FDFT1: variants seen among roughly 807,000 people sequenced by gnomAD.
FDFT1 encodes squalene synthase.
FDFT1 carries 68 observed loss-of-function variants against 46.8 expected under a neutral mutation model. The ratio of observed to expected loss-of-function variants is 1.45; its 90% CI spans 1.19 to 1.78. The LOEUF is 1.78. Among genes scored for constraint, FDFT1 ranks in the 40% most tolerant of loss-of-function variants. FDFT1 has a pLI of 0.00. For synonymous variants in FDFT1, 351 were observed against 185.1 expected (o/e 1.90, Z -7.28); for missense variants, 928 against 524.4 (o/e 1.77, Z -7.52).
At chr8:11,802,261 C>A (rs1025466226), upstream of FDFT1, 2 of 383,186 alleles carry the variant, frequency 5.2e-6, no homozygotes, top group African/African-American at 4.2e-5. Flanking sequence ...GTTTTAGGCT[C>A]TACAGAGAGC....
chr8:11,798,623 C>T (rs1447304411), upstream of FDFT1, among the ~76,000 whole-genome samples: 1 of 152,210 alleles, frequency 6.6e-6, no homozygotes. Flanking sequence ...ACGCTATCCA[C>T]AGGAGAAGCA....
chr8:11,824,407 AAAAAG>A (rs900138699), intron 4 of FDFT1, among the ~76,000 whole-genome samples: 10 of 152,212 alleles, frequency 6.6e-5, no homozygotes, highest in African/African-American at 1.4e-4. Context: ...AAGAAAAACT[AAAAAG>A]AAAAGGGGAA....
At chr8:11,817,440 G>C (rs556180677) in intron 3 of FDFT1, among the ~76,000 whole-genome samples, 34 of 152,322 alleles carry the variant, frequency 2.2e-4, no homozygotes, top group African/African-American at 7.9e-4. Context: ...AGAAGGAATG[G>C]TACCAGCTCC....
Position 11,808,827 on chromosome 8 carries a change from A to T in FDFT1, c.133A>T (p.Lys45Ter). The T allele has an allele frequency of 6.2e-7, 1 of 1,613,858 alleles. No individual in the cohort carries two copies. Among genetic ancestry groups the T allele is most frequent in the Non-Finnish European group, 8.5e-7 (1 of 1,179,954 alleles). Reference sequence around the variant, plus strand: ...CAGCAGCAGCCTGAAAACTTGCTACAAGTATCTCAATCAGACCAGTCGCAG... The same window carrying T: ...CAGCAGCAGCCTGAAAACTTGCTACTAGTATCTCAATCAGACCAGTCGCAG... Reference protein sequence around the residue: ...SLSSSLKTCYKYLNQTSRSFA... With the variant: ...SLSSSLKTCY The change falls in exon 2 of 8, where the codon AAG becomes TAG. Residue 45 changes from lysine (K) to a stop codon, truncating the protein, a stop_gained. Coordinates refer to ENST00000220584, the MANE Select transcript of FDFT1 (RefSeq NM_004462.5). LOFTEE classifies it high-confidence loss of function.
At chr8:11,803,090 G>A (rs1316704938) in intron 1 of FDFT1, 159 bp downstream of exon 1, 5 of 1,438,698 alleles carry the variant, frequency 3.5e-6, no homozygotes, top group Admixed American at 2.7e-5. Flanking sequence ...TCCCCCTGTA[G>A]GGCCCGGGTG....
upstream of FDFT1, among the ~76,000 whole-genome samples, chr8:11,801,017 AAG>A (rs1328130743): frequency 1.3e-4 from 20 of 152,154 alleles, no homozygotes; most frequent in Non-Finnish European, 1.2e-4. Flanking sequence ...AAATATAGGC[AAG>A]TAGACCCCCA....
chr8:11,800,358 G>C (rs1485537172), upstream of FDFT1, among the ~76,000 whole-genome samples: 1 of 147,864 alleles, frequency 6.8e-6, no homozygotes, highest in Non-Finnish European at 1.5e-5. Flanking sequence ...ACACTCGCCA[G>C]CAGTTTTGCC....
At position 11,803,218 on chromosome 8, in the gene FDFT1, G is replaced by A. The variant is rs994587378; in HGVS notation, c.99+287G>A. The stretch of plus-strand genomic sequence containing the variant: ...TTTCGTCCCCTCCGTGAGCATCGGC[G>A]CTTACCGGTATTTTAACCCGAGGGT... On this transcript the variant is annotated intron_variant, in intron 1 of 7. Coordinates refer to ENST00000220584, the MANE Select transcript of FDFT1 (RefSeq NM_004462.5). 5.0e-6 allele frequency: 7 copies of A among 1,407,456 alleles called. No homozygotes were observed. In the Middle Eastern group the frequency reaches 7.5e-4, roughly 150 times the overall value. The allele number at this position is 1,407,456 out of a possible 1,614,324, so 87.2% of individuals were successfully genotyped here.
At chr8:11,818,160 G>A (rs996720890) in intron 3 of FDFT1, among the ~76,000 whole-genome samples, 1 of 152,340 alleles carries the variant, frequency 6.6e-6, no homozygotes. Context: ...TTTCCATGTA[G>A]ATGTGTGGTT....
chr8:11,836,898 A>T (rs1811614184), intron 7 of FDFT1, among the ~76,000 whole-genome samples: 1 of 152,222 alleles, frequency 6.6e-6, no homozygotes, highest in Non-Finnish European at 1.5e-5. Context: ...TTAGCCAGGG[A>T]TGCACGCTTG....
In FDFT1 at chr8:11,802,841, C is replaced by A. The variant is rs373376185; in HGVS notation, c.9C>A (p.Phe3Leu). 1.4e-5 allele frequency: 22 copies of A among 1,610,212 alleles called. No individual in the cohort carries two copies. Among genetic ancestry groups the A allele is most frequent in the Non-Finnish European group, 1.7e-5 (20 of 1,178,218 alleles). Residue 3 changes from phenylalanine to leucine, a missense_variant, in exon 1 of 8, where the codon TTC becomes TTA. Transcript: ENST00000220584. ...CCGCCGCCTGCGCCAGGATGGAGTT[C>A]GTGAAATGCCTTGGCCACCCCGAAG... ME[F>L]VKCLGHPEEF... is the part of the protein sequence containing the mutation.
chr8:11,809,838 GGACTTCCCAACGGTGAGTGGGGTTA>G lies in FDFT1; in HGVS notation c.370_381+13del. ...AGGAGAAGGATCGCCAGGTGCTGGA[GGACTTCCCAACGGTGAGTGGGGTTA>G]CGCATCTTGTCTACGGACTGTTGTG... On this transcript the variant is annotated splice_donor_variant and splice_donor_5th_base_variant and coding_sequence_variant and intron_variant, in exon 3 of 8. Transcript: ENST00000220584. LOFTEE classifies it high-confidence loss of function. The G allele has an allele frequency of 6.2e-7, 1 of 1,613,292 alleles. No individual in the cohort carries two copies. The highest frequency in any genetic ancestry group is 8.5e-7 in the Non-Finnish European group (1 of 1,179,476).
intron 7 of FDFT1, among the ~76,000 whole-genome samples, chr8:11,833,093 A>G (rs1039620310): frequency 6.6e-6 from 1 of 152,224 alleles, no homozygotes. Context: ...ATGGAAGTCT[A>G]AGGGAAGACC....
chr8:11,806,748 C>A (rs1474865950), intron 1 of FDFT1, among the ~76,000 whole-genome samples: 1 of 152,082 alleles, frequency 6.6e-6, no homozygotes, highest in South Asian at 2.1e-4. Context: ...AGCGGGTATT[C>A]TGTTTCTTTC....
chr8:11,824,835 A>G (rs1809746034), intron 4 of FDFT1, among the ~76,000 whole-genome samples: 1 of 152,132 alleles, frequency 6.6e-6, no homozygotes, highest in Non-Finnish European at 1.5e-5. Context: ...TCCTGGGTTC[A>G]CGCCATTCTC....
chr8:11,830,819 A>G (rs1358976587), intron 6 of FDFT1, among the ~76,000 whole-genome samples: 1 of 152,210 alleles, frequency 6.6e-6, no homozygotes, highest in Non-Finnish European at 1.5e-5. Context: ...CCCGGCATAA[A>G]AAGAACCTGG....
upstream of FDFT1, among the ~76,000 whole-genome samples, chr8:11,798,755 C>T (rs943483510): frequency 8.5e-5 from 13 of 152,206 alleles, no homozygotes; most frequent in Non-Finnish European, 1.8e-4. Flanking sequence ...AATAAATATT[C>T]ATTGAGCCAG....
chr8:11,796,409 G>C (rs921181858), intron 1 of FDFT1, among the ~76,000 whole-genome samples: 31 of 152,326 alleles, frequency 2.0e-4, no homozygotes, highest in African/African-American at 6.5e-4. Context: ...AGAAAGTTCA[G>C]GTTGGGAGGA....
At chr8:11,809,601 T>A in intron 2 of FDFT1, 66 bp from the exon 3 acceptor site, 1 of 1,478,428 alleles carries the variant, frequency 6.8e-7, no homozygotes, top group Non-Finnish European at 9.1e-7. Flanking sequence ...CAGGCACAAG[T>A]TATTTTAAAA....
Sources: allele counts gnomAD v4.1 joint callset (sites outside exome capture counted in the v4.1 genomes callset), GRCh38; gene constraint gnomAD v4.1.1; transcripts MANE v1.5; gene names NCBI Gene and HGNC (gene_info 2026-07-23, HGNC 2026-07-21).